Variants in UGGT2 observed in about 807,000 individuals in gnomAD.
UGGT2 encodes the protein UDP-glucose glycoprotein glucosyltransferase 2.
Under a neutral mutation model 192.1 loss-of-function variants are expected in UGGT2, and 180 were observed. That is an observed-to-expected ratio of 0.94 (90% CI 0.83 to 1.06). UGGT2 has a LOEUF of 1.06. Among genes scored for constraint, UGGT2 ranks in the 50% least tolerant of loss-of-function variants. The probability of loss-of-function intolerance (pLI) is 0.00; values close to 1 mark genes in which losing one functional copy is unlikely to be tolerated. For synonymous variants in UGGT2, 580 were observed against 591.0 expected (o/e 0.98, Z 0.27); for missense variants, 1,849 against 1,795.7 (o/e 1.03, Z -0.54).
At chr13:95,967,766 C>T (rs950640727) in intron 12 of UGGT2, among the ~76,000 whole-genome samples, 1 of 152,176 alleles carries the variant, frequency 6.6e-6, no homozygotes, top group African/African-American at 2.4e-5. Context: ...GACACTGTGC[C>T]TGGCCAGGCA....
At chr13:95,814,447 G>A (rs1884720831) in intron 38 of UGGT2, among the ~76,000 whole-genome samples, 1 of 152,222 alleles carries the variant, frequency 6.6e-6, no homozygotes, top group African/African-American at 2.4e-5. Context: ...TTTTGGACCT[G>A]TGTGGGCCTG....
chr13:95,856,623 A>G (rs1443167271), intron 33 of UGGT2: 2 of 430,288 alleles, frequency 4.6e-6, no homozygotes, highest in Non-Finnish European at 8.5e-6. Flanking sequence ...ATGTTCCCAT[A>G]CTTTTATTGT....
chr13:95,983,633 C>T, intron 10 of UGGT2, 171 bp downstream of exon 10: 1 of 668,186 alleles, frequency 1.5e-6, no homozygotes, highest in South Asian at 1.5e-5. Flanking sequence ...AAAAGATTGG[C>T]TGATTAAATG....
intron 20 of UGGT2, among the ~76,000 whole-genome samples, chr13:95,912,513 A>G (rs2048535853): frequency 6.6e-6 from 1 of 152,222 alleles, no homozygotes; most frequent in Non-Finnish European, 1.5e-5. Flanking sequence ...TAAAATACCT[A>G]GTAATCCAAC....
At chr13:95,840,637 G>C (rs1887762686) in intron 36 of UGGT2, among the ~76,000 whole-genome samples, 1 of 152,160 alleles carries the variant, frequency 6.6e-6, no homozygotes, top group Non-Finnish European at 1.5e-5. Flanking sequence ...GTGAAAGACA[G>C]TGTGGCAATT....
At chr13:95,810,029 T>C (rs948014291) in intron 38 of UGGT2, among the ~76,000 whole-genome samples, 26 of 152,196 alleles carry the variant, frequency 1.7e-4, no homozygotes, top group African/African-American at 5.8e-4. Flanking sequence ...CTTCACAAAA[T>C]TTTCATTTCT....
At chr13:95,875,127 ATAAAGT>A (rs1349170780) in intron 29 of UGGT2, among the ~76,000 whole-genome samples, 1 of 152,228 alleles carries the variant, frequency 6.6e-6, no homozygotes, top group Non-Finnish European at 1.5e-5. Flanking sequence ...CATTCTTTTT[ATAAAGT>A]TAGTCATTTT....
At chr13:95,984,836 A>C (rs957456983) in intron 9 of UGGT2, 3 of 152,296 alleles carry the variant, frequency 2.0e-5, no homozygotes, top group African/African-American at 7.2e-5. Context: ...TGTACCTTGA[A>C]ACAGCCCACA....
chr13:95,827,104 CCA>C (rs1886125355), intron 38 of UGGT2, among the ~76,000 whole-genome samples: 2 of 152,146 alleles, frequency 1.3e-5, no homozygotes, highest in Admixed American at 1.3e-4. Flanking sequence ...TTAATTTCTT[CCA>C]GTGTCAGGCA....
chr13:95,877,905 T>C (rs1422966084), intron 27 of UGGT2, 49 bp from the exon 28 acceptor site: 2 of 1,524,910 alleles, frequency 1.3e-6, no homozygotes, highest in South Asian at 2.6e-5. Flanking sequence ...AAACTCATAA[T>C]ACAAAATTTT....
chr13:95,907,567 T>G (rs1237597283), intron 20 of UGGT2, among the ~76,000 whole-genome samples: 1 of 152,164 alleles, frequency 6.6e-6, no homozygotes, highest in Admixed American at 6.5e-5. Context: ...GCAGCAATAT[T>G]TGCTGTTCTG....
chr13:95,859,532 G>T, intron 33 of UGGT2, 59 bp downstream of exon 33: 1 of 1,297,060 alleles, frequency 7.7e-7, no homozygotes, highest in South Asian at 1.3e-5. Context: ...AACTTACAAT[G>T]ATACAAATAA....
chr13:96,023,956 G>A (rs1018000375), intron 2 of UGGT2, among the ~76,000 whole-genome samples, 197 bp from the exon 3 acceptor site: 2 of 152,136 alleles, frequency 1.3e-5, no homozygotes, highest in East Asian at 1.9e-4. Flanking sequence ...TAATGTCCAA[G>A]TAATCAACAT....
At chr13:95,997,305 C>CT (rs2051654337) in intron 6 of UGGT2, among the ~76,000 whole-genome samples, 2 of 152,104 alleles carry the variant, frequency 1.3e-5, no homozygotes. Flanking sequence ...AGAGCATTCT[C>CT]TAACAGAGCA....
intron 7 of UGGT2, among the ~76,000 whole-genome samples, chr13:95,994,187 A>G (rs2051546423): frequency 6.6e-6 from 1 of 151,998 alleles, no homozygotes; most frequent in African/African-American, 2.4e-5. Context: ...AACTTTATCA[A>G]CTCCTGTTTC....
At chr13:96,015,183 C>T (rs1172707092) in intron 4 of UGGT2, among the ~76,000 whole-genome samples, 1 of 150,574 alleles carries the variant, frequency 6.6e-6, no homozygotes, top group Non-Finnish European at 1.5e-5. Flanking sequence ...GAGGCTGAGG[C>T]AGGAGAATGG....
intron 10 of UGGT2, among the ~76,000 whole-genome samples, chr13:95,983,121 A>G (rs951019945): frequency 6.6e-6 from 1 of 152,104 alleles, no homozygotes; most frequent in African/African-American, 2.4e-5. Flanking sequence ...CAAAATCCTC[A>G]CCAATGAGAT....
intron 33 of UGGT2, 172 bp from the exon 34 acceptor site, chr13:95,856,512 C>A: frequency 1.7e-6 from 1 of 582,278 alleles, no homozygotes; most frequent in South Asian, 2.5e-5. Context: ...TATTAAAATG[C>A]TAACAAATAT....
chr13:95,837,265 A>G, intron 36 of UGGT2, 63 bp from the exon 37 acceptor site: 1 of 1,129,938 alleles, frequency 8.9e-7, no homozygotes, highest in Non-Finnish European at 1.4e-6. Context: ...AAAGAAGCTG[A>G]ATGAAGTAAG....
Sources: gnomAD v4.1 joint callset for allele counts (sites outside exome capture counted in the v4.1 genomes callset) on GRCh38, gnomAD v4.1.1 for gene constraint, MANE v1.5 for transcripts, NCBI Gene and HGNC (gene_info 2026-07-23, HGNC 2026-07-21) for gene names.